ST6GALNAC3: variants seen among roughly 807,000 people sequenced by gnomAD.
The protein encoded by ST6GALNAC3 is ST6 N-acetylgalactosaminide alpha-2,6-sialyltransferase 3.
Under a neutral mutation model 32.7 loss-of-function variants are expected in ST6GALNAC3, and 25 were observed. The observed-to-expected ratio is 0.76, with a 90% CI of 0.56 to 1.07. The LOEUF is 1.07. Ranked by LOEUF, ST6GALNAC3 falls within the 50% of genes least tolerant of loss-of-function variation. The probability of loss-of-function intolerance (pLI) is 0.00; values close to 1 mark genes in which losing one functional copy is unlikely to be tolerated. For synonymous variants in ST6GALNAC3, 129 were observed against 133.1 expected (o/e 0.97, Z 0.21); for missense variants, 355 against 382.4 (o/e 0.93, Z 0.60).
chr1:76,593,429 A>C (rs1200645369), intron 3 of ST6GALNAC3, among the ~76,000 whole-genome samples: 1 of 152,208 alleles, frequency 6.6e-6, no homozygotes, highest in Non-Finnish European at 1.5e-5. Context: ...TAGATAACAC[A>C]ATCTTGGCAT....
intron 2 of ST6GALNAC3, among the ~76,000 whole-genome samples, chr1:76,356,785 G>A (rs1649489022): frequency 6.6e-6 from 1 of 152,206 alleles, no homozygotes; most frequent in South Asian, 2.1e-4. Context: ...CGGTGCCTGA[G>A]CATAACGCAA....
intron 3 of ST6GALNAC3, among the ~76,000 whole-genome samples, chr1:76,613,849 T>A (rs1239964778): frequency 6.6e-6 from 1 of 152,232 alleles, no homozygotes; most frequent in Non-Finnish European, 1.5e-5. Context: ...CTTTTCTTTG[T>A]GGATTGGCCA....
chr1:76,456,502 T>C (rs9437448), intron 3 of ST6GALNAC3, among the ~76,000 whole-genome samples: 127,608 of 152,052 alleles, frequency 0.84, 53,910 homozygotes, highest in African/African-American at 0.9. Context: ...TTTCACCACA[T>C]CTGGCTAATA....
At chr1:76,635,731 T>C (rs1181426342), downstream of ST6GALNAC3, among the ~76,000 whole-genome samples, 1 of 152,174 alleles carries the variant, frequency 6.6e-6, no homozygotes, top group Non-Finnish European at 1.5e-5. Flanking sequence ...AAAGACACCT[T>C]CCATCATGTG....
intron 3 of ST6GALNAC3, among the ~76,000 whole-genome samples, chr1:76,478,108 A>G (rs1180581926): frequency 6.6e-6 from 1 of 152,088 alleles, no homozygotes; most frequent in Admixed American, 6.5e-5. Context: ...ACTCATTTCT[A>G]CCTTCCTCCA....
intron 3 of ST6GALNAC3, among the ~76,000 whole-genome samples, chr1:76,579,664 A>T (rs1646863819): frequency 1.3e-5 from 2 of 151,968 alleles, no homozygotes; most frequent in Non-Finnish European, 2.9e-5. Context: ...CAAGGGAAAA[A>T]AATGATTGTT....
At chr1:76,483,564 A>C (rs1659884333) in intron 3 of ST6GALNAC3, among the ~76,000 whole-genome samples, 1 of 151,800 alleles carries the variant, frequency 6.6e-6, no homozygotes, top group Non-Finnish European at 1.5e-5. Flanking sequence ...CCACTTTTTG[A>C]TGGGGTTGTT....
intron 1 of ST6GALNAC3, among the ~76,000 whole-genome samples, chr1:76,082,465 C>G (rs994681669): frequency 2.3e-4 from 35 of 152,286 alleles, no homozygotes; most frequent in African/African-American, 8.4e-4. Flanking sequence ...GTTAATTTCT[C>G]TCCTTGTTAG....
At chr1:76,148,142 T>C (rs926762896) in intron 1 of ST6GALNAC3, among the ~76,000 whole-genome samples, 4 of 152,206 alleles carry the variant, frequency 2.6e-5, no homozygotes, top group African/African-American at 9.7e-5. Context: ...AACCCCCACG[T>C]GTGCCTCAGT....
chr1:76,322,267 C>T (rs542077720), intron 2 of ST6GALNAC3, among the ~76,000 whole-genome samples: 1 of 152,156 alleles, frequency 6.6e-6, no homozygotes, highest in South Asian at 2.1e-4. Context: ...GTGACTAGTG[C>T]GAAAAGCTTT....
intron 1 of ST6GALNAC3, among the ~76,000 whole-genome samples, chr1:76,169,366 T>C (rs906700644): frequency 1.6e-4 from 25 of 152,202 alleles, no homozygotes; most frequent in African/African-American, 6.0e-4. Flanking sequence ...CCTTTCTCTC[T>C]AGCTACCTTT....
intron 3 of ST6GALNAC3, among the ~76,000 whole-genome samples, chr1:76,612,103 A>C (rs993539858): frequency 1.3e-5 from 2 of 152,032 alleles, no homozygotes; most frequent in Non-Finnish European, 2.9e-5. Flanking sequence ...TTCTTTTTTT[A>C]TTTTTATTTT....
At chr1:76,263,147 A>G (rs1030432273) in intron 1 of ST6GALNAC3, among the ~76,000 whole-genome samples, 1 of 152,280 alleles carries the variant, frequency 6.6e-6, no homozygotes, top group Non-Finnish European at 1.5e-5. Flanking sequence ...AAAACAATAT[A>G]GAGATTATAG....
At chr1:76,172,392 G>A (rs1452372174) in intron 1 of ST6GALNAC3, among the ~76,000 whole-genome samples, 1 of 152,152 alleles carries the variant, frequency 6.6e-6, no homozygotes, top group African/African-American at 2.4e-5. Flanking sequence ...TATTGAATGG[G>A]CAAAAGCTGG....
At chr1:76,077,713 G>A (rs1646836132) in intron 1 of ST6GALNAC3, among the ~76,000 whole-genome samples, 1 of 152,148 alleles carries the variant, frequency 6.6e-6, no homozygotes, top group Admixed American at 6.5e-5. Flanking sequence ...CCTCTTCCTG[G>A]CACAGGGAAG....
intron 2 of ST6GALNAC3, among the ~76,000 whole-genome samples, chr1:76,383,900 AAGAATTT>A (rs1208075577): frequency 1.3e-5 from 2 of 152,172 alleles, no homozygotes; most frequent in Non-Finnish European, 2.9e-5. Flanking sequence ...AGAATAACAA[AAGAATTT>A]AGATGTAACA....
intron 3 of ST6GALNAC3, among the ~76,000 whole-genome samples, chr1:76,447,022 G>T (rs958005076): frequency 3.9e-5 from 6 of 152,166 alleles, no homozygotes; most frequent in Non-Finnish European, 7.3e-5. Flanking sequence ...ACAGGAAGAG[G>T]TTGGAACAGT....
chr1:76,141,382 T>C (rs1234792445), intron 1 of ST6GALNAC3, among the ~76,000 whole-genome samples: 3 of 152,162 alleles, frequency 2.0e-5, no homozygotes, highest in Admixed American at 6.5e-5. Flanking sequence ...CATGCTAGAC[T>C]TGGAGAGTCT....
At chr1:76,334,951 A>G (rs1647342580) in intron 2 of ST6GALNAC3, among the ~76,000 whole-genome samples, 1 of 152,198 alleles carries the variant, frequency 6.6e-6, no homozygotes, top group African/African-American at 2.4e-5. Flanking sequence ...GATTCTGGTC[A>G]CAAAAACAAT....
Sources: allele counts gnomAD v4.1 joint callset (sites outside exome capture counted in the v4.1 genomes callset), GRCh38; gene constraint gnomAD v4.1.1; transcripts MANE v1.5; gene names NCBI Gene and HGNC (gene_info 2026-07-23, HGNC 2026-07-21).